SGCG: variants seen among roughly 807,000 people sequenced by gnomAD.
SGCG encodes the protein sarcoglycan gamma.
Under a neutral mutation model 29.3 loss-of-function variants are expected in SGCG, and 26 were observed. The ratio of observed to expected loss-of-function variants is 0.89; its 90% CI spans 0.65 to 1.23. The LOEUF is 1.23. SGCG is among the 50% of genes most tolerant of loss of function. SGCG has a pLI of 0.00. For missense variants in SGCG, 353 were observed against 356.0 expected (o/e 0.99, Z 0.07); for synonymous variants, 145 against 129.7 (o/e 1.12, Z -0.80).
At chr13:23,189,335 C>T (rs1279618122) in intron 1 of SGCG, among the ~76,000 whole-genome samples, 2 of 152,152 alleles carry the variant, frequency 1.3e-5, no homozygotes, top group African/African-American at 2.4e-5. Flanking sequence ...TGCCACCACG[C>T]CTGGCTATTT....
At chr13:23,162,487 G>A in the SGCG span, among the ~76,000 whole-genome samples, 2 of 152,174 alleles carry the variant, frequency 1.3e-5, no homozygotes, top group Admixed American at 6.5e-5. Context: ...TTAGCCGGGC[G>A]TGGTGGCAGG....
chr13:23,299,444 A>T (rs1331887999), intron 6 of SGCG, among the ~76,000 whole-genome samples: 471 of 5,578 alleles, frequency 0.084, 28 homozygotes, highest in East Asian at 0.19. Flanking sequence ...ATATATATAT[A>T]TATATATATA....
the SGCG span, among the ~76,000 whole-genome samples, chr13:23,164,783 C>A: frequency 6.6e-6 from 1 of 152,182 alleles, no homozygotes; most frequent in African/African-American, 2.4e-5. Context: ...CCTCCGGCCT[C>A]CTGCCAGCCC....
chr13:23,310,077 TC>T (rs1255677070), intron 6 of SGCG, among the ~76,000 whole-genome samples: 5 of 121,026 alleles, frequency 4.1e-5, no homozygotes, highest in African/African-American at 1.2e-4. Flanking sequence ...CTTGTTTTTC[TC>T]TTTTTTTTTT....
chr13:23,166,138 T>C, the SGCG span, among the ~76,000 whole-genome samples: 2 of 152,198 alleles, frequency 1.3e-5, no homozygotes, highest in Non-Finnish European at 2.9e-5. Context: ...TAAAAGCTTT[T>C]CATTTCTCAA....
intron 4 of SGCG, among the ~76,000 whole-genome samples, chr13:23,265,493 G>T (rs139673672): frequency 6.6e-6 from 1 of 152,050 alleles, no homozygotes; most frequent in African/African-American, 2.4e-5. Flanking sequence ...AGGAGAATTC[G>T]CTTGAACCTG....
At chr13:23,247,784 TAAAA>T (rs56971660) in intron 3 of SGCG, among the ~76,000 whole-genome samples, 1 of 132,808 alleles carries the variant, frequency 7.5e-6, no homozygotes. Context: ...CATCTCTATT[TAAAA>T]AAAAAAAAAA....
chr13:23,230,767 A>G (rs928473571), intron 2 of SGCG, among the ~76,000 whole-genome samples: 2 of 147,772 alleles, frequency 1.4e-5, no homozygotes, highest in Non-Finnish European at 3.0e-5. Flanking sequence ...CTATTTGGAT[A>G]CCTTTTCTTT....
chr13:23,227,485 C>G (rs1405557230), intron 2 of SGCG, among the ~76,000 whole-genome samples: 2 of 152,152 alleles, frequency 1.3e-5, no homozygotes, highest in African/African-American at 4.8e-5. Flanking sequence ...GCCATACAAA[C>G]TGTATGTAAA....
intron 1 of SGCG, among the ~76,000 whole-genome samples, 197 bp from the exon 2 acceptor site, chr13:23,203,498 C>A (rs559605982): frequency 3.3e-5 from 5 of 152,240 alleles, no homozygotes; most frequent in East Asian, 1.9e-4. Flanking sequence ...GATTAAATAT[C>A]TCCCTGTGAT....
chr13:23,258,211 C>T (rs1012906744), intron 4 of SGCG, among the ~76,000 whole-genome samples: 4 of 152,276 alleles, frequency 2.6e-5, no homozygotes, highest in African/African-American at 9.6e-5. Context: ...TTTGTGTCCT[C>T]TTTTATTTCG....
rs75849234 is a variant in SGCG at position 23,235,997 on chromosome 13, G to C, written c.297+1285G>C. Among the ~76,000 whole-genome samples the C allele has an allele frequency of 1.0e-3, 159 of 152,302 alleles. 2 individuals carry two copies. Among genetic ancestry groups the C allele is most frequent in the East Asian group, 7.9e-3 (41 of 5,184 alleles). ...ATCACAAAGAGAGATCCCAGTAAGT[G>C]AAAAGTACATAAGTAGTTTTAGGTG... On this transcript the variant is annotated intron_variant, in intron 3 of 7. Coordinates refer to ENST00000218867, the MANE Select transcript of SGCG (RefSeq NM_000231.3).
chr13:23,220,698 C>T (rs4238162), intron 2 of SGCG, among the ~76,000 whole-genome samples: 117,409 of 152,134 alleles, frequency 0.77, 45,487 homozygotes, highest in East Asian at 0.92. Context: ...CCAATCTTTA[C>T]CCTTTCTTAT....
intron 7 of SGCG, among the ~76,000 whole-genome samples, chr13:23,321,734 T>A (rs1883048650): frequency 6.6e-6 from 1 of 151,830 alleles, no homozygotes; most frequent in African/African-American, 2.4e-5. Flanking sequence ...TTCCATTTAA[T>A]ATTATCCAGA....
the SGCG span, among the ~76,000 whole-genome samples, chr13:23,167,020 A>G: frequency 1.3e-5 from 2 of 152,132 alleles, no homozygotes; most frequent in South Asian, 4.2e-4. Context: ...CTATTTTTTA[A>G]CCCATTATCC....
chr13:23,234,234 G>A (rs1236776401), intron 2 of SGCG, among the ~76,000 whole-genome samples: 1 of 152,176 alleles, frequency 6.6e-6, no homozygotes, highest in African/African-American at 2.4e-5. Context: ...TTCTGATTGT[G>A]TTGATGATTA....
Position 23,286,830 on chromosome 13 carries a change from C to T in SGCG, c.505+7352C>T, listed in dbSNP as rs141406654. On this transcript the variant is annotated intron_variant, in intron 5 of 7. Transcript: ENST00000218867. Reference sequence around the variant, plus strand: ...AAAATGCCTACATGATAAGATGACCCGAGGTGAATGATACAGGATTGTGTA... The same window carrying T: ...AAAATGCCTACATGATAAGATGACCTGAGGTGAATGATACAGGATTGTGTA... Among the ~76,000 whole-genome samples, 585 of 152,104 alleles carry T rather than the reference C, an allele frequency of 3.8e-3. 4 individuals carry two copies. Among genetic ancestry groups the T allele is most frequent in the African/African-American group, 0.013 (546 of 41,476 alleles).
intron 6 of SGCG, among the ~76,000 whole-genome samples, chr13:23,314,408 A>ATATATATATATATATATATATATAT (rs1593108241): frequency 3.7e-5 from 5 of 133,946 alleles, no homozygotes; most frequent in African/African-American, 1.1e-4. Context: ...ATATATATAT[A>ATATATATATATATATATATATATAT]ATCTTATTCT....
chr13:23,292,846 T>C (rs1003460267), intron 5 of SGCG, among the ~76,000 whole-genome samples: 1 of 152,236 alleles, frequency 6.6e-6, no homozygotes, highest in African/African-American at 2.4e-5. Flanking sequence ...ACAGTAAATA[T>C]ACTTATATAA....
Sources: allele counts gnomAD v4.1 joint callset (sites outside exome capture counted in the v4.1 genomes callset), GRCh38; gene constraint gnomAD v4.1.1; transcripts MANE v1.5; gene names NCBI Gene and HGNC (gene_info 2026-07-23, HGNC 2026-07-21).